TRIM44: variants seen among roughly 807,000 people sequenced by gnomAD.
The protein encoded by TRIM44 is tripartite motif containing 44, also known as tripartite motif-containing protein 44.
A neutral mutation model predicts 37.4 loss-of-function variants in TRIM44; 13 were observed. The observed-to-expected ratio is 0.35, with a 90% confidence interval of 0.23 to 0.55. TRIM44 has a LOEUF of 0.55. Ranked by LOEUF, TRIM44 falls within the 20% of genes least tolerant of loss-of-function variation. The probability of loss-of-function intolerance (pLI) is 0.89; values close to 1 mark genes in which losing one functional copy is unlikely to be tolerated. For missense variants in TRIM44, 426 were observed against 437.2 expected, an observed-to-expected ratio of 0.97 and a Z score of 0.23; for synonymous variants, 175 against 157.2, an observed-to-expected ratio of 1.11 and a Z score of -0.85.
At chr11:35,700,808 A>G (rs530348322) in intron 2 of TRIM44, among the ~76,000 whole-genome samples, 2 of 152,360 alleles carry the variant, frequency 1.3e-5, no homozygotes, top group South Asian at 4.1e-4. Flanking sequence ...GGTAAATTGA[A>G]GAATTTTTAA....
At chr11:35,683,521 ATATGT>A (rs1204159697) in intron 1 of TRIM44, among the ~76,000 whole-genome samples, 1 of 152,162 alleles carries the variant, frequency 6.6e-6, no homozygotes, top group Non-Finnish European at 1.5e-5. Context: ...AATTTGGAAG[ATATGT>A]TATCACAGAT....
chr11:35,815,880 G>T lies in TRIM44; in HGVS notation c.*9495G>T, dbSNP rs1434214096. 6.6e-6 allele frequency: 1 copy of T among 152,218 alleles called. No homozygotes were observed. The highest frequency in any genetic ancestry group is 1.9e-4 in the East Asian group (1 of 5,188). 9.4% of individuals were successfully genotyped at this position (152,218 alleles called of 1,614,324 possible). On this transcript the variant is annotated 3_prime_UTR_variant, in exon 5 of 5. Transcript: ENST00000299413. ...CTCTGAATAGCCAAGTCATGGGCTT[G>T]TTTGCTTTCAGTCACTGCCTTCAGA... is the stretch of plus-strand genomic sequence containing the variant.
chr11:35,693,196 A>G (rs565246895), intron 2 of TRIM44, among the ~76,000 whole-genome samples: 22 of 152,276 alleles, frequency 1.4e-4, no homozygotes, highest in South Asian at 1.0e-3. Flanking sequence ...TAGGTTTTCA[A>G]TCTTGTCTAC....
chr11:35,709,215 C>G (rs1376505430), intron 2 of TRIM44, among the ~76,000 whole-genome samples: 1 of 152,190 alleles, frequency 6.6e-6, no homozygotes, highest in Non-Finnish European at 1.5e-5. Context: ...GAACATTCTA[C>G]TGTAAGTTAC....
rs1196630044 is a variant in TRIM44 at position 35,663,448 on chromosome 11, A to T, written c.337A>T (p.Thr113Ser). The T allele has an allele frequency of 6.4e-7, 1 of 1,564,962 alleles. No individual in the cohort carries two copies. Among genetic ancestry groups the T allele is most frequent in the South Asian group, 1.2e-5 (1 of 86,180 alleles). ...GAGCGAGTCAGAGGAAGAGAGCGAG[A>T]CAGAGGAAGAGAGTGAGGATGAGAG... ...EESESEEESE[T>S]EEESEDESDE... The change falls in exon 1 of 5, where the codon ACA becomes TCA. Residue 113 changes from threonine (T) to serine (S), a missense_variant. Transcript: ENST00000299413.
intron 4 of TRIM44, among the ~76,000 whole-genome samples, chr11:35,754,898 C>G (rs2133855425): frequency 6.6e-6 from 1 of 152,250 alleles, no homozygotes; most frequent in African/African-American, 2.4e-5. Context: ...TTAATCCAGT[C>G]TATCGTTGTT....
intron 3 of TRIM44, among the ~76,000 whole-genome samples, chr11:35,727,969 TC>T (rs1288773716): frequency 6.6e-6 from 1 of 152,362 alleles, no homozygotes; most frequent in Non-Finnish European, 1.5e-5. Flanking sequence ...TGTCCACAGT[TC>T]CTATCAAGTT....
At chr11:35,780,829 C>A (rs1389599501) in intron 4 of TRIM44, among the ~76,000 whole-genome samples, 1 of 143,232 alleles carries the variant, frequency 7.0e-6, no homozygotes, top group African/African-American at 2.6e-5. Context: ...TGAACACATG[C>A]TGCCTTCTTT....
chr11:35,666,663 G>GT (rs1851335420), intron 1 of TRIM44, among the ~76,000 whole-genome samples: 2 of 152,162 alleles, frequency 1.3e-5, no homozygotes. Context: ...GAAGGCTGAG[G>GT]TGGGAGGATT....
At chr11:35,763,876 G>A (rs1026529965) in intron 4 of TRIM44, among the ~76,000 whole-genome samples, 2 of 152,170 alleles carry the variant, frequency 1.3e-5, no homozygotes, top group Admixed American at 6.5e-5. Context: ...CCTGGAGGTC[G>A]TGGAACTAAT....
chr11:35,796,390 A>G (rs1199730902), intron 4 of TRIM44, among the ~76,000 whole-genome samples: 1 of 152,246 alleles, frequency 6.6e-6, no homozygotes, highest in Non-Finnish European at 1.5e-5. Context: ...AACTTGTGAG[A>G]TACAGCAGCT....
At chr11:35,774,846 T>C (rs1852931344) in intron 4 of TRIM44, among the ~76,000 whole-genome samples, 1 of 152,226 alleles carries the variant, frequency 6.6e-6, no homozygotes, top group Non-Finnish European at 1.5e-5. Flanking sequence ...TTGGTACCAG[T>C]ACCATGCTGT....
At chr11:35,778,565 C>G (rs1021476492) in intron 4 of TRIM44, among the ~76,000 whole-genome samples, 2 of 152,174 alleles carry the variant, frequency 1.3e-5, no homozygotes, top group Non-Finnish European at 2.9e-5. Flanking sequence ...TTTCGATTTT[C>G]TGCTCTGGTT....
At chr11:35,715,423 TGTGTGTGG>T (rs1305614703) in intron 2 of TRIM44, among the ~76,000 whole-genome samples, 5 of 151,190 alleles carry the variant, frequency 3.3e-5, no homozygotes, top group East Asian at 3.9e-4. Context: ...TGTGTGTGTG[TGTGTGTGG>T]GTGTGGGTGT....
chr11:35,737,434 C>G (rs1218047743), intron 4 of TRIM44, among the ~76,000 whole-genome samples: 2 of 151,934 alleles, frequency 1.3e-5, no homozygotes, highest in Non-Finnish European at 2.9e-5. Context: ...ATAATTCCAG[C>G]TACTCAGAAG....
intron 2 of TRIM44, among the ~76,000 whole-genome samples, chr11:35,704,785 C>T (rs1287560936): frequency 6.6e-5 from 10 of 152,152 alleles, no homozygotes; most frequent in African/African-American, 1.7e-4. Context: ...AAGGAACAAC[C>T]GGTACCAGCC....
chr11:35,693,141 G>A (rs1015475078), intron 2 of TRIM44, among the ~76,000 whole-genome samples: 1 of 152,078 alleles, frequency 6.6e-6, no homozygotes, highest in Non-Finnish European at 1.5e-5. Flanking sequence ...TGGCTGCTGG[G>A]ATTGGCCAAG....
chr11:35,709,893 C>T (rs1851944753), intron 2 of TRIM44, among the ~76,000 whole-genome samples: 1 of 152,114 alleles, frequency 6.6e-6, no homozygotes, highest in African/African-American at 2.4e-5. Context: ...AATCGGGCAG[C>T]CCCCAGAATC....
At chr11:35,734,463 G>C (rs1345770442) in intron 3 of TRIM44, among the ~76,000 whole-genome samples, 1 of 152,194 alleles carries the variant, frequency 6.6e-6, no homozygotes, top group Non-Finnish European at 1.5e-5. Flanking sequence ...CATCGGACTT[G>C]AGAGCTCATT....
Sources: gnomAD v4.1 joint callset for allele counts (sites outside exome capture counted in the v4.1 genomes callset) on GRCh38, gnomAD v4.1.1 for gene constraint, MANE v1.5 for transcripts, NCBI Gene and HGNC (gene_info 2026-07-23, HGNC 2026-07-21) for gene names.